SLC5A8: variants seen among roughly 807,000 people sequenced by gnomAD.
The protein encoded by SLC5A8 is solute carrier family 5 member 8, also known as sodium-coupled monocarboxylate transporter 1.
In SLC5A8, 55 loss-of-function variants were observed where a neutral mutation model predicts 71.9. The observed-to-expected ratio is 0.77, with a 90% CI of 0.62 to 0.96. The LOEUF (loss-of-function observed/expected upper bound fraction) is 0.96. SLC5A8 is among the 40% of genes least tolerant of loss of function. The pLI is 0.00. For synonymous variants in SLC5A8, 307 were observed against 276.1 expected, an observed-to-expected ratio of 1.11 and a Z score of -1.11; for missense variants, 701 against 745.3, an observed-to-expected ratio of 0.94 and a Z score of 0.69.
At position 101,156,167 on chromosome 12, in the gene SLC5A8, T is replaced by C. The variant is rs1267427743; in HGVS notation, c.*1112A>G. The C allele has an allele frequency of 3.0e-4, 46 of 152,264 alleles. 1 individual carries two copies. The highest frequency in any genetic ancestry group is 3.0e-3 in the Admixed American group (46 of 15,284). The allele number at this position is 152,264 out of a possible 1,614,324, so 9.4% of individuals were successfully genotyped here. ...CGTTTTAAAAAAAGTAGTGTTTGCTTATATAATTTAGCCCTTTAACTGGAT... is the reference window on the plus strand; with the variant it reads ...CGTTTTAAAAAAAGTAGTGTTTGCTCATATAATTTAGCCCTTTAACTGGAT... On this transcript the variant is annotated 3_prime_UTR_variant, in exon 15 of 15. Coordinates refer to ENST00000536262, the MANE Select transcript of SLC5A8 (RefSeq NM_145913.5).
At chr12:101,200,477 A>G (rs1869413788) in intron 3 of SLC5A8, among the ~76,000 whole-genome samples, 1 of 152,140 alleles carries the variant, frequency 6.6e-6, no homozygotes, top group Non-Finnish European at 1.5e-5. Context: ...AATTTTAAAA[A>G]GCAGAAAAGG....
At chr12:101,191,556 A>G (rs1295369067) in intron 5 of SLC5A8, among the ~76,000 whole-genome samples, 1 of 152,224 alleles carries the variant, frequency 6.6e-6, no homozygotes, top group East Asian at 1.9e-4. Context: ...TCCCCAAGAG[A>G]GAGAAGCTAC....
rs1198864584 is a variant in SLC5A8, at chr12:101,156,303, A to G, written c.*976T>C. On this transcript the variant is annotated 3_prime_UTR_variant, in exon 15 of 15. Transcript: ENST00000536262. ...GCATTAAGTGTAGTCATCTAACTCC[A>G]TGGAGCTTAACCATTTTGAAGAATA... 2 of 152,218 alleles carry G rather than the reference A, an allele frequency of 1.3e-5. No individual in the cohort carries two copies. The highest frequency in any genetic ancestry group is 2.9e-5 in the Non-Finnish European group (2 of 68,034). The allele number at this position is 152,218 out of a possible 1,614,324, so 9.4% of individuals were successfully genotyped here.
intron 10 of SLC5A8, among the ~76,000 whole-genome samples, chr12:101,168,538 C>G (rs1403429894): frequency 2.0e-5 from 3 of 152,156 alleles, no homozygotes; most frequent in Non-Finnish European, 4.4e-5. Flanking sequence ...CTCCTTTGTG[C>G]TTTGATAATC....
chr12:101,209,902 G>A lies in SLC5A8; in HGVS notation c.-54C>T. 8 of 1,433,270 alleles carry A rather than the reference G, an allele frequency of 5.6e-6. No homozygotes were observed. The highest frequency in any genetic ancestry group is 7.4e-6 in the Non-Finnish European group (8 of 1,084,484). The allele number at this position is 1,433,270 out of a possible 1,614,324, so 88.8% of individuals were successfully genotyped here. A position where few individuals can be genotyped will look rare whatever the true frequency, so the allele number is the denominator to read the frequency against. On this transcript the variant is annotated 5_prime_UTR_variant, in exon 1 of 15. Coordinates refer to ENST00000536262, the MANE Select transcript of SLC5A8 (RefSeq NM_145913.5). The stretch of plus-strand genomic sequence containing the variant: ...CAAACTGGTGGCCCCGCGGCGCGCA[G>A]CCGGAGCCCGGCGCGCACTTCTTAT...
intron 9 of SLC5A8, among the ~76,000 whole-genome samples, chr12:101,180,995 A>C (rs575275843): frequency 1.3e-5 from 2 of 152,118 alleles, no homozygotes; most frequent in African/African-American, 2.4e-5. Context: ...ATGCAAAAAA[A>C]CCCCCTTTGT....
intron 10 of SLC5A8, among the ~76,000 whole-genome samples, chr12:101,175,249 A>G (rs773672698): frequency 2.0e-5 from 3 of 152,132 alleles, no homozygotes; most frequent in Non-Finnish European, 4.4e-5. Context: ...GAACAACAGA[A>G]ATAACCCAAA....
Position 101,166,522 on chromosome 12 carries a change from T to G in SLC5A8, c.1498A>C (p.Ser500Arg), listed in dbSNP as rs749152114. Residue 500 changes from serine (S) to arginine (R), a missense_variant, in exon 12 of 15, where the codon AGT (serine) becomes CGT (arginine). Transcript: ENST00000536262. ...TGAACATTGTATATTTGAAAAACAC[T>G]AGTAGTAAATGGCATTTCTGTGGTT... Reference protein sequence around the residue: ...MTTTEMPFTTSVFQIYNVQRT... With the variant: ...MTTTEMPFTTRVFQIYNVQRT... The G allele has an allele frequency of 4.3e-6, 7 of 1,613,820 alleles. No individual in the cohort carries two copies. Among genetic ancestry groups the G allele is most frequent in the Non-Finnish European group, 3.4e-6 (4 of 1,179,882 alleles).
Position 101,157,363 on chromosome 12 carries a change from T to G in SLC5A8, c.1749A>C (p.Glu583Asp), listed in dbSNP as rs1465256201. The G allele has an allele frequency of 1.2e-6, 2 of 1,611,624 alleles. No individual in the cohort carries two copies. Among genetic ancestry groups the G allele is most frequent in the Middle Eastern group, 1.7e-4 (1 of 6,052 alleles). The change falls in exon 15 of 15, where the codon GAA becomes GAC. Residue 583 changes from glutamate to aspartate, a missense_variant. Transcript: ENST00000536262. ...HVLSYKSHPV[E>D]DGGTDNPAFN... ...AAGCAGGATTATCAGTTCCACCATC[T>G]TCCACTGGATGTGATTTATAGCTCA...
intron 14 of SLC5A8, among the ~76,000 whole-genome samples, chr12:101,157,878 GAGAT>G (rs969498042): frequency 6.6e-6 from 1 of 152,072 alleles, no homozygotes; most frequent in Non-Finnish European, 1.5e-5. Flanking sequence ...AGGATAGAGA[GAGAT>G]AGATATACAA....
chr12:101,181,979 T>C (rs577090689), intron 9 of SLC5A8, among the ~76,000 whole-genome samples: 2 of 152,330 alleles, frequency 1.3e-5, no homozygotes, highest in Non-Finnish European at 2.9e-5. Flanking sequence ...AGGTTAAAGA[T>C]TCTTTCTCGA....
At chr12:101,177,947 G>A (rs747913059) in intron 10 of SLC5A8, among the ~76,000 whole-genome samples, 23 of 152,204 alleles carry the variant, frequency 1.5e-4, no homozygotes, top group South Asian at 6.2e-4. Context: ...TGCCCCATTC[G>A]AAGATGACAA....
chr12:101,158,578 CTCTCTCTCTCTCTCTCTCTCTATA>C (rs1211559744), intron 13 of SLC5A8, among the ~76,000 whole-genome samples: 15 of 63,738 alleles, frequency 2.4e-4, no homozygotes, highest in Admixed American at 4.2e-4. Flanking sequence ...CTCTCTCTCT[CTCTCTCTCTCTCTCTCTCTCTATA>C]TATATATATA....
intron 10 of SLC5A8, among the ~76,000 whole-genome samples, chr12:101,174,826 A>G (rs2051864422): frequency 6.6e-6 from 1 of 152,204 alleles, no homozygotes; most frequent in South Asian, 2.1e-4. Flanking sequence ...CCCTTACGCT[A>G]CTGACGTAGT....
In SLC5A8 at chr12:101,174,699, T is replaced by C. The variant is rs371599594; in HGVS notation, c.1233+5330A>G. Among the ~76,000 whole-genome samples the C allele has an allele frequency of 7.2e-5, 11 of 152,136 alleles. No individual in the cohort carries two copies. The East Asian group carries it at 2.1e-3, about 29-fold the overall frequency. ...ATATTTCAGTGGGCCTCATGCACTA[T>C]CATTAATCTTATAGCCACAATATGT... On this transcript the variant is annotated intron_variant, in intron 10 of 14. Transcript: ENST00000536262.
intron 13 of SLC5A8, among the ~76,000 whole-genome samples, chr12:101,159,309 C>T (rs2051704246): frequency 6.6e-6 from 1 of 152,200 alleles, no homozygotes; most frequent in South Asian, 2.1e-4. Context: ...TGAGTACCTA[C>T]TGTGTGCTGG....
chr12:101,169,282 A>G (rs907547902), intron 10 of SLC5A8, among the ~76,000 whole-genome samples: 2 of 152,238 alleles, frequency 1.3e-5, no homozygotes, highest in African/African-American at 2.4e-5. Flanking sequence ...TGAAGCAAGG[A>G]TGAACTGGCT....
rs1012796999 is a variant in SLC5A8 at position 101,198,763 on chromosome 12, CTT to C, written c.469+3399_469+3400del. 1.6e-4 allele frequency among the ~76,000 whole-genome samples: 24 copies of C among 151,980 alleles called. 1 individual carries two copies. Among genetic ancestry groups the C allele is most frequent in the African/African-American group, 5.3e-4 (22 of 41,552 alleles). On this transcript the variant is annotated intron_variant, in intron 3 of 14. Coordinates refer to ENST00000536262, the MANE Select transcript of SLC5A8 (RefSeq NM_145913.5). The stretch of plus-strand genomic sequence containing the variant: ...ATTTCAGAAAATGGAGGAGGGAACA[CTT>C]TTCAATTCATTTATGAAGCCTTATC...
chr12:101,179,223 G>A (rs1390770913), intron 10 of SLC5A8, among the ~76,000 whole-genome samples: 1 of 152,158 alleles, frequency 6.6e-6, no homozygotes, highest in Non-Finnish European at 1.5e-5. Flanking sequence ...AAAATGACAT[G>A]CTCTGGAAAA....
Sources: gnomAD v4.1 joint callset for allele counts (sites outside exome capture counted in the v4.1 genomes callset) on GRCh38, gnomAD v4.1.1 for gene constraint, MANE v1.5 for transcripts, NCBI Gene and HGNC (gene_info 2026-07-23, HGNC 2026-07-21) for gene names.